The following TBXT variants were observed in gnomAD, a reference collection of about 807,000 sequenced individuals.
TBXT encodes the protein T brachyury transcription factor.
TBXT carries 19 observed loss-of-function variants against 41.1 expected under a neutral mutation model. The observed-to-expected ratio is 0.46, with a 90% confidence interval of 0.32 to 0.68. The LOEUF (loss-of-function observed/expected upper bound fraction) is 0.68. TBXT is among the 30% of genes least tolerant of loss of function. The probability of loss-of-function intolerance (pLI) is 0.03; values close to 1 mark genes in which losing one functional copy is unlikely to be tolerated. For synonymous variants in TBXT, 213 were observed against 238.9 expected (o/e 0.89, Z 1.00); for missense variants, 536 against 582.0 (o/e 0.92, Z 0.81).
In TBXT at chr6:166,167,559, C is replaced by G. The variant is rs776440268; in HGVS notation, c.33G>C (p.Lys11Asn). ...GGTGGTCCACTCGGTACTGCAGGCT[C>G]TTTCCCGCGCTCTCGGTGCCAGGGG... MSSPGTESAGKSLQYRVDHLL... is the reference protein window; with the variant it reads MSSPGTESAGNSLQYRVDHLL... Residue 11 changes from lysine (K) to asparagine (N), a missense_variant, in exon 1 of 8, where the codon AAG becomes AAC. Transcript: ENST00000366876. 24 of 1,581,650 alleles carry G rather than the reference C, an allele frequency of 1.5e-5. No homozygotes were observed. The highest frequency in any genetic ancestry group is 2.0e-5 in the Non-Finnish European group (23 of 1,169,464).
chr6:166,167,194 C>T (rs1037760501), intron 1 of TBXT, among the ~76,000 whole-genome samples, 192 bp downstream of exon 1: 1 of 152,252 alleles, frequency 6.6e-6, no homozygotes, highest in Admixed American at 6.5e-5. Context: ...TTCCTCCTCC[C>T]CAAGCTTCCG....
In TBXT at chr6:166,165,797, A is replaced by G. The variant is rs1385862851; in HGVS notation, c.515T>C (p.Ile172Thr). The G allele has an allele frequency of 1.2e-6, 2 of 1,614,152 alleles. No homozygotes were observed. The highest frequency in any genetic ancestry group is 1.7e-5 in the Admixed American group (1 of 60,012). Reference protein sequence around the residue: ...SLHKYEPRIHIVRVGGPQRMI... With the variant: ...SLHKYEPRIHTVRVGGPQRMI... ...GCGCTGTGGACCCCCAACTCTCACT[A>G]TGTGGATTCGAGGCTCATACTTATG... Residue 172 changes from isoleucine (I) to threonine (T), a missense_variant, in exon 3 of 8, where the codon ATA becomes ACA. Physicochemically the swap from Ile to Thr is moderately conservative, Grantham distance 89. Transcript: ENST00000366876.
At position 166,167,744 on chromosome 6, in the gene TBXT, C is replaced by G; in HGVS notation, c.-153G>C. On this transcript the variant is annotated 5_prime_UTR_variant, in exon 1 of 8. Transcript: ENST00000366876. ...CCCGGGTCCCGGGTCCCGGCACAGA[C>G]CCGGGAGGAGGGCGCGGACCAAGAC... The G allele has an allele frequency of 1.0e-6, 1 of 977,018 alleles. No individual in the cohort carries two copies. Among genetic ancestry groups the G allele is most frequent in the Non-Finnish European group, 1.5e-6 (1 of 659,976 alleles). The allele number at this position is 977,018 out of a possible 1,614,324, so 60.5% of individuals were successfully genotyped here.
At chr6:166,168,382 C>A (rs1562391172), upstream of TBXT, 2 of 152,346 alleles carry the variant, frequency 1.3e-5, no homozygotes, top group Non-Finnish European at 2.9e-5. Flanking sequence ...CGCATTTGGC[C>A]GGGCTTTGGG....
chr6:166,167,326 C>T (rs540473962), intron 1 of TBXT, 60 bp downstream of exon 1: 10 of 1,597,240 alleles, frequency 6.3e-6, no homozygotes, highest in East Asian at 2.2e-5. Flanking sequence ...CTTGCCAGGT[C>T]CCCCAGGCTG....
At position 166,158,413 on chromosome 6, in the gene TBXT, C is replaced by T. The variant is rs1218164196; in HGVS notation, c.1213G>A (p.Ala405Thr). ...TCCACGATGTCTGTGGCCGCGGCCG[C>T]CCCTTCGTACAGTGGGGATCCCGAG... ...SSSGSPLYEG[A>T]AAATDIVDSQ... The change falls in exon 8 of 8, where the codon GCG (alanine) becomes ACG (threonine). Residue 405 changes from alanine to threonine, a missense_variant. Transcript: ENST00000366876. 6.2e-7 allele frequency: 1 copy of T among 1,614,064 alleles called. No homozygotes were observed. The highest frequency in any genetic ancestry group is 1.3e-5 in the African/African-American group (1 of 74,944).
At position 166,158,225 on chromosome 6, in the gene TBXT, T is replaced by G; in HGVS notation, c.*90A>C. 1 of 1,598,422 alleles carries G rather than the reference T, an allele frequency of 6.3e-7. No homozygotes were observed. Among genetic ancestry groups the G allele is most frequent in the Non-Finnish European group, 8.6e-7 (1 of 1,166,640 alleles). On this transcript the variant is annotated 3_prime_UTR_variant, in exon 8 of 8. Transcript: ENST00000366876. ...CTGCATTTCCTTCTTAACCTGAGAC[T>G]GCCACTGGGTACCTAGTAGGTCAAT... is the stretch of plus-strand genomic sequence containing the variant.
At chr6:166,164,375 G>A (rs751519353) in intron 5 of TBXT, among the ~76,000 whole-genome samples, 7 of 152,154 alleles carry the variant, frequency 4.6e-5, no homozygotes, top group South Asian at 2.1e-4. Context: ...GCTGCCTCAC[G>A]GCAAAACAAA....
rs1422650974 is a variant in TBXT, at chr6:166,162,430, T to C, written c.907+17A>G. ...AGCCACCCACCAACCCCTGGCAGAATGAGGCTGAGGACTCACTTGGAGAAT... is the reference window on the plus strand; with the variant it reads ...AGCCACCCACCAACCCCTGGCAGAACGAGGCTGAGGACTCACTTGGAGAAT... On this transcript the variant is annotated intron_variant, in intron 6 of 7. Coordinates refer to ENST00000366876, the MANE Select transcript of TBXT (RefSeq NM_001366285.2). 1.2e-6 allele frequency: 2 copies of C among 1,614,042 alleles called. No homozygotes were observed. The highest frequency in any genetic ancestry group is 2.2e-5 in the East Asian group (1 of 44,876).
intron 1 of TBXT, 66 bp downstream of exon 1, chr6:166,167,320 C>G: frequency 6.3e-7 from 1 of 1,590,548 alleles, no homozygotes; most frequent in Non-Finnish European, 8.6e-7. Flanking sequence ...CGGGAACTTG[C>G]CAGGTCCCCC....
In TBXT at chr6:166,167,771, T is replaced by TG. The variant is rs1486527488; in HGVS notation, c.-181dup. The stretch of plus-strand genomic sequence containing the variant: ...CGGGAGGAGGGCGCGGACCAAGACT[T>TG]GGGGGGAGGGGACGGGGGCAGAGGG... On this transcript the variant is annotated 5_prime_UTR_variant, in exon 1 of 8. Coordinates refer to ENST00000366876, the MANE Select transcript of TBXT (RefSeq NM_001366285.2). 1 of 706,174 alleles carries TG rather than the reference T, an allele frequency of 1.4e-6. No individual in the cohort carries two copies. 43.7% of individuals were successfully genotyped at this position (706,174 alleles called of 1,614,324 possible).
At chr6:166,163,283 T>C (rs1051501565) in intron 5 of TBXT, among the ~76,000 whole-genome samples, 1 of 152,016 alleles carries the variant, frequency 6.6e-6, no homozygotes, top group African/African-American at 2.4e-5. Flanking sequence ...CTTTTACTGC[T>C]CACTCTCCTG....
At position 166,160,728 on chromosome 6, in the gene TBXT, C is replaced by T. The variant is rs78796905; in HGVS notation, c.1037+109G>A. 9.1e-4 allele frequency: 1,372 copies of T among 1,514,290 alleles called. 2 individuals are homozygous for T. Among genetic ancestry groups the T allele is most frequent in the Non-Finnish European group, 1.1e-3 (1,222 of 1,113,294 alleles). The allele number at this position is 1,514,290 out of a possible 1,614,324, so 93.8% of individuals were successfully genotyped here. ...AATTCTAAATAAAGACCCAACCACC[C>T]ACAGGGACCAAGGAGAATAAGGACT... On this transcript the variant is annotated intron_variant, in intron 7 of 7. Transcript: ENST00000366876.
rs541803907 is a variant in TBXT, at chr6:166,165,742, G to A, written c.570C>T (p.Thr190=). 28 of 1,614,108 alleles carry A rather than the reference G, an allele frequency of 1.7e-5. No homozygotes were observed. The South Asian group carries it at 2.4e-4, about 14-fold the overall frequency. Reference sequence around the variant, plus strand: ...GATAAGCAGTCACCGCTATGAACTGGGTCTCAGGGAAGCAGTGGCTGGTGA... The same window carrying A: ...GATAAGCAGTCACCGCTATGAACTGAGTCTCAGGGAAGCAGTGGCTGGTGA... ...RMITSHCFPE[T]QFIAVTAYQN... Residue 190 remains threonine (T), a synonymous_variant, in exon 3 of 8, where the codon ACC becomes ACT. Coordinates refer to ENST00000366876, the MANE Select transcript of TBXT (RefSeq NM_001366285.2).
intron 6 of TBXT, among the ~76,000 whole-genome samples, chr6:166,161,595 T>C (rs1258343389): frequency 6.6e-6 from 1 of 152,228 alleles, no homozygotes. Flanking sequence ...GTTCCTAATA[T>C]TGGAGCATGC....
intron 5 of TBXT, among the ~76,000 whole-genome samples, chr6:166,162,890 G>T (rs1232956813): frequency 1.3e-5 from 2 of 152,038 alleles, no homozygotes; most frequent in South Asian, 4.1e-4. Context: ...TCCCCTCAGG[G>T]GCCCCTGATG....
At position 166,167,331 on chromosome 6, in the gene TBXT, A is replaced by G. The variant is rs968398623; in HGVS notation, c.206+55T>C. ...CCTCCGGGAACTTGCCAGGTCCCCCAGGCTGCCCAGGCGCTGGAGAGCGCG... is the reference window on the plus strand; with the variant it reads ...CCTCCGGGAACTTGCCAGGTCCCCCGGGCTGCCCAGGCGCTGGAGAGCGCG... On this transcript the variant is annotated intron_variant, in intron 1 of 7. Coordinates refer to ENST00000366876, the MANE Select transcript of TBXT (RefSeq NM_001366285.2). 14 of 1,602,062 alleles carry G rather than the reference A, an allele frequency of 8.7e-6. No individual in the cohort carries two copies. The African/African-American group carries it at 1.6e-4, about 18-fold the overall frequency.
At chr6:166,159,049 G>C (rs1432923207) in intron 7 of TBXT, among the ~76,000 whole-genome samples, 1 of 152,236 alleles carries the variant, frequency 6.6e-6, no homozygotes, top group African/African-American at 2.4e-5. Flanking sequence ...GCACATGCCT[G>C]TAATCCCAGC....
In TBXT at chr6:166,161,111, A is replaced by T. The variant is rs1778944030; in HGVS notation, c.908-145T>A. ...TATTAACTGTAGAAAACAATCCATT[A>T]GTCTATTTACATGGTTATCAGGGGC... On this transcript the variant is annotated intron_variant, in intron 6 of 7. Coordinates refer to ENST00000366876, the MANE Select transcript of TBXT (RefSeq NM_001366285.2). 7.0e-6 allele frequency: 8 copies of T among 1,139,580 alleles called. No individual in the cohort carries two copies. The South Asian group carries it at 1.1e-4, about 16-fold the overall frequency. The allele number at this position is 1,139,580 out of a possible 1,614,324, so 70.6% of individuals were successfully genotyped here.
Sources: allele counts gnomAD v4.1 joint callset (sites outside exome capture counted in the v4.1 genomes callset), GRCh38; gene constraint gnomAD v4.1.1; transcripts MANE v1.5; gene names NCBI Gene and HGNC (gene_info 2026-07-23, HGNC 2026-07-21).